CACNB2: variants seen among roughly 807,000 people sequenced by gnomAD.
CACNB2 encodes voltage-dependent L-type calcium channel subunit beta-2.
A neutral mutation model predicts 73.3 loss-of-function variants in CACNB2; 42 were observed. The ratio of observed to expected loss-of-function variants is 0.57; its 90% confidence interval spans 0.45 to 0.74. The LOEUF (loss-of-function observed/expected upper bound fraction) is 0.74. Ranked by LOEUF, CACNB2 falls within the 30% of genes least tolerant of loss-of-function variation. The pLI is 0.00. For missense variants in CACNB2, 940 were observed against 853.0 expected (o/e 1.10, Z -1.27); for synonymous variants, 348 against 310.3 (o/e 1.12, Z -1.28).
At chr10:18,252,237 C>A (rs1389498687) in intron 2 of CACNB2, among the ~76,000 whole-genome samples, 2 of 152,188 alleles carry the variant, frequency 1.3e-5, no homozygotes, top group African/African-American at 4.8e-5. Context: ...TTTTCAGAAC[C>A]CACTGGGGCA....
chr10:18,220,109 TAATA>T (rs1415787009), intron 2 of CACNB2, among the ~76,000 whole-genome samples: 1 of 32,174 alleles, frequency 3.1e-5, no homozygotes, highest in Non-Finnish European at 5.0e-5. Context: ...TTTTATTTTT[TAATA>T]TATATATATA....
At chr10:18,314,303 AT>A (rs2040072554) in intron 2 of CACNB2, among the ~76,000 whole-genome samples, 1 of 152,206 alleles carries the variant, frequency 6.6e-6, no homozygotes, top group Admixed American at 6.6e-5. Context: ...CCTAATTAAT[AT>A]TTTTATTGTT....
chr10:18,171,521 GAAAAAAAAAA>G (rs370201485), intron 2 of CACNB2, among the ~76,000 whole-genome samples: 8 of 32,588 alleles, frequency 2.5e-4, no homozygotes, highest in East Asian at 8.3e-4. Flanking sequence ...TTTGATAGCA[GAAAAAAAAAA>G]AAAAAAAAAA....
At chr10:18,237,137 C>A (rs1206403339) in intron 2 of CACNB2, among the ~76,000 whole-genome samples, 1 of 152,224 alleles carries the variant, frequency 6.6e-6, no homozygotes, top group African/African-American at 2.4e-5. Context: ...ATAGAGGTAG[C>A]AACCTACTCT....
intron 2 of CACNB2, among the ~76,000 whole-genome samples, chr10:18,357,450 G>A (rs1346275637): frequency 6.6e-6 from 1 of 152,158 alleles, no homozygotes; most frequent in African/African-American, 2.4e-5. Context: ...GAAAATGTGA[G>A]GAAGCAGTTC....
At chr10:18,280,658 A>G (rs369392913) in intron 2 of CACNB2, among the ~76,000 whole-genome samples, 3 of 152,184 alleles carry the variant, frequency 2.0e-5, no homozygotes, top group South Asian at 2.1e-4. Context: ...CCCTGTCTTC[A>G]CTGTCTTCAC....
At chr10:18,405,359 C>A (rs992734513) in intron 3 of CACNB2, among the ~76,000 whole-genome samples, 1 of 152,174 alleles carries the variant, frequency 6.6e-6, no homozygotes, top group Non-Finnish European at 1.5e-5. Flanking sequence ...TAAATGAAAT[C>A]TTACCATAGG....
In CACNB2 at chr10:18,224,503, A is replaced by G. The variant is rs566066670; in HGVS notation, c.213+73528A>G. Among the ~76,000 whole-genome samples, 36 of 152,296 alleles carry G rather than the reference A, an allele frequency of 2.4e-4. No individual in the cohort carries two copies. In the South Asian group the frequency reaches 5.0e-3, roughly 21 times the overall value. On this transcript the variant is annotated intron_variant, in intron 2 of 13. Coordinates refer to ENST00000324631, the MANE Select transcript of CACNB2 (RefSeq NM_201596.3). ...TTTGTAGCTACTTTATACTTTCCAA[A>G]GAATTTCTTTCTCTAACCCACGAAG...
intron 3 of CACNB2, among the ~76,000 whole-genome samples, chr10:18,488,692 T>G (rs1016162942): frequency 6.6e-6 from 1 of 151,946 alleles, no homozygotes; most frequent in Non-Finnish European, 1.5e-5. Flanking sequence ...ACCAACCAAT[T>G]TTTAGCATTT....
At chr10:18,391,968 A>C (rs1445762459) in intron 2 of CACNB2, among the ~76,000 whole-genome samples, 4 of 151,576 alleles carry the variant, frequency 2.6e-5, no homozygotes, top group Non-Finnish European at 5.9e-5. Flanking sequence ...ACTATTTTTA[A>C]AAAAGTAGAA....
chr10:18,401,840 A>G (rs562884167), intron 2 of CACNB2, 84 bp from the exon 3 acceptor site: 6 of 1,330,664 alleles, frequency 4.5e-6, no homozygotes, highest in African/African-American at 1.4e-5. Flanking sequence ...ACAATCCGGG[A>G]AGCTAACTGC....
intron 2 of CACNB2, among the ~76,000 whole-genome samples, chr10:18,337,205 C>T (rs75042170): frequency 6.6e-6 from 1 of 152,156 alleles, no homozygotes; most frequent in Non-Finnish European, 1.5e-5. Flanking sequence ...TCTTGGCTCA[C>T]TGCCCCCTCG....
intron 2 of CACNB2, among the ~76,000 whole-genome samples, chr10:18,156,724 A>G (rs1387091270): frequency 1.3e-5 from 2 of 152,156 alleles, no homozygotes; most frequent in Non-Finnish European, 2.9e-5. Flanking sequence ...CTAAAACATT[A>G]ATTGGAACAA....
chr10:18,400,640 GTTT>G (rs34680296), intron 2 of CACNB2: 1,131 of 934,982 alleles, frequency 1.2e-3, no homozygotes, highest in Non-Finnish European at 1.3e-3. Flanking sequence ...TTTTGCACTA[GTTT>G]TTTTTTTTTT....
chr10:18,500,968 T>C lies in CACNB2; in HGVS notation c.593+20T>C. On this transcript the variant is annotated intron_variant, in intron 5 of 13. Coordinates refer to ENST00000324631, the MANE Select transcript of CACNB2 (RefSeq NM_201596.3). ...CTCCAGGTATGAGACAGATGTCAAG[T>C]GTTTGCATAAAACTTAGATTATACC... 3 of 1,612,396 alleles carry C rather than the reference T, an allele frequency of 1.9e-6. No homozygotes were observed. The highest frequency in any genetic ancestry group is 2.5e-6 in the Non-Finnish European group (3 of 1,178,606).
chr10:18,337,159 C>T (rs1362726506), intron 2 of CACNB2, among the ~76,000 whole-genome samples: 3 of 151,942 alleles, frequency 2.0e-5, no homozygotes, highest in Admixed American at 1.3e-4. Context: ...GACAGGGTCT[C>T]ACTCTTGTTG....
intron 2 of CACNB2, among the ~76,000 whole-genome samples, chr10:18,307,983 C>CATTTTTTTTTTTTTTTTTTTTTTTTTT (rs1356604464): frequency 1.4e-5 from 1 of 70,268 alleles, no homozygotes; most frequent in African/African-American, 6.0e-5. Context: ...TATATGCCAA[C>CATTTTTTTTTTTTTTTTTTTTTTTTTT]TTTTTTTTTT....
rs112413112 is a variant in CACNB2, at chr10:18,479,771, A to G, written c.334-18584A>G. On this transcript the variant is annotated intron_variant, in intron 3 of 13. Coordinates refer to ENST00000324631, the MANE Select transcript of CACNB2 (RefSeq NM_201596.3). ...AGACATGCTTGCTTCCCCTTTGGTCATGATTGTAAGTTTCCTGAGGCCTCC... is the reference window on the plus strand; with the variant it reads ...AGACATGCTTGCTTCCCCTTTGGTCGTGATTGTAAGTTTCCTGAGGCCTCC... Among the ~76,000 whole-genome samples the G allele has an allele frequency of 5.9e-3, 895 of 152,210 alleles. 6 individuals are homozygous for G. The highest frequency in any genetic ancestry group is 0.02 in the African/African-American group (814 of 41,526).
chr10:18,152,368 T>C (rs982321745), intron 2 of CACNB2, among the ~76,000 whole-genome samples: 1 of 152,130 alleles, frequency 6.6e-6, no homozygotes, highest in African/African-American at 2.4e-5. Flanking sequence ...CAAAGCTTTT[T>C]TGGTTAGAAA....
Sources: allele counts gnomAD v4.1 joint callset (sites outside exome capture counted in the v4.1 genomes callset), GRCh38; gene constraint gnomAD v4.1.1; transcripts MANE v1.5; gene names NCBI Gene and HGNC (gene_info 2026-07-23, HGNC 2026-07-21).